Variants in PCDHA7 observed in about 807,000 individuals in gnomAD.
PCDHA7 encodes the protein protocadherin alpha-7.
Under a neutral mutation model 57.2 loss-of-function variants are expected in PCDHA7, and 37 were observed. The ratio of observed to expected loss-of-function variants is 0.65; its 90% CI spans 0.50 to 0.85. The LOEUF is 0.85. Among genes scored for constraint, PCDHA7 ranks in the 40% least tolerant of loss-of-function variants. PCDHA7 has a pLI of 0.00. For missense variants in PCDHA7, 1,188 were observed against 1,241.8 expected (o/e 0.96, Z 0.65); for synonymous variants, 553 against 558.8 (o/e 0.99, Z 0.15).
intron 1 of PCDHA7, among the ~76,000 whole-genome samples, chr5:140,960,353 A>T (rs1197291282): frequency 6.6e-6 from 1 of 152,214 alleles, no homozygotes; most frequent in African/African-American, 2.4e-5. Context: ...ATATGTACTG[A>T]AATAATATGC....
chr5:140,871,269 G>T, intron 1 of PCDHA7: 3 of 1,613,952 alleles, frequency 1.9e-6, no homozygotes, highest in Non-Finnish European at 2.5e-6. Context: ...CGCTGTGGTG[G>T]TCGGCAACGC....
intron 1 of PCDHA7, chr5:140,843,825 CATT>C: frequency 1.7e-6 from 2 of 1,188,044 alleles, no homozygotes; most frequent in East Asian, 2.4e-5. Context: ...AAAATTTAAA[CATT>C]GTTTAGTTTT....
Position 140,849,019 on chromosome 5 carries a change from A to G in PCDHA7, c.2355+12281A>G, listed in dbSNP as rs144148683. On this transcript the variant is annotated intron_variant, in intron 1 of 3. Coordinates refer to ENST00000525929, the MANE Select transcript of PCDHA7 (RefSeq NM_018910.3). ...CTGCTCACTTACAGACTGAGCCCCA[A>G]TGAGTATTTCTTCCTGGACGTGCCA... 14,073 of 1,587,530 alleles carry G rather than the reference A, an allele frequency of 8.9e-3. 240 individuals carry two copies. Among genetic ancestry groups the G allele is most frequent in the Non-Finnish European group, 0.011 (13,037 of 1,163,614 alleles).
At chr5:140,935,047 A>G (rs782161261) in intron 1 of PCDHA7, among the ~76,000 whole-genome samples, 11 of 152,140 alleles carry the variant, frequency 7.2e-5, no homozygotes, top group Admixed American at 3.3e-4. Flanking sequence ...GATTTCTGGT[A>G]TTACAAGATG....
intron 1 of PCDHA7, chr5:140,863,011 C>A (rs782711409): frequency 1.8e-6 from 1 of 552,250 alleles, no homozygotes. Flanking sequence ...CCAGCTATGA[C>A]GCCTGGTTGT....
intron 1 of PCDHA7, among the ~76,000 whole-genome samples, chr5:140,897,922 C>T (rs1476419563): frequency 3.3e-5 from 5 of 152,164 alleles, no homozygotes; most frequent in Non-Finnish European, 5.9e-5. Context: ...TTTTGATTTG[C>T]GTTTCTCTGA....
rs782249131 is a variant in PCDHA7, at chr5:140,835,661, C to T, written c.1278C>T (p.Thr426=). ...ESVSAYELVV[T]ARDGGSPSLW... ...TGTCCGCCTATGAGCTGGTGGTTAC[C>T]GCGCGGGACGGGGGCTCGCCTTCTC... Residue 426 remains threonine, a synonymous_variant, in exon 1 of 4, where the codon ACC becomes ACT. Coordinates refer to ENST00000525929, the MANE Select transcript of PCDHA7 (RefSeq NM_018910.3). The T allele has an allele frequency of 6.2e-7, 1 of 1,613,886 alleles. No individual in the cohort carries two copies. Among genetic ancestry groups the T allele is most frequent in the Non-Finnish European group, 8.5e-7 (1 of 1,179,874 alleles).
At chr5:140,882,327 T>C in intron 1 of PCDHA7, 1 of 1,614,172 alleles carries the variant, frequency 6.2e-7, no homozygotes, top group Non-Finnish European at 8.5e-7. Flanking sequence ...TGGCTTCTGA[T>C]CCTCGCAGCC....
In PCDHA7 at chr5:140,869,686, A is replaced by T. The variant is rs782130952; in HGVS notation, c.2355+32948A>T. ...TAAGCAGATTAAAAGACTGTCACTT[A>T]TTTTAAAGAAGTCTCTGGATAGAGA... On this transcript the variant is annotated intron_variant, in intron 1 of 3. Transcript: ENST00000525929. The T allele has an allele frequency of 5.6e-6, 9 of 1,613,330 alleles. No homozygotes were observed. In the African/African-American group the frequency reaches 1.2e-4, roughly 22 times the overall value.
intron 1 of PCDHA7, chr5:140,968,545 G>C: frequency 6.2e-7 from 1 of 1,614,182 alleles, no homozygotes; most frequent in Non-Finnish European, 8.5e-7. Flanking sequence ...CCTTCGAGAT[G>C]GTGCCTCGAA....
intron 1 of PCDHA7, chr5:140,870,192 G>C: frequency 1.9e-6 from 3 of 1,614,158 alleles, no homozygotes; most frequent in Non-Finnish European, 2.5e-6. Context: ...AGGACGCTCA[G>C]CCCAGCACGG....
rs782590821 is a variant in PCDHA7 at position 140,929,251 on chromosome 5, G to T, written c.2356-49698G>T. On this transcript the variant is annotated intron_variant, in intron 1 of 3. Transcript: ENST00000525929. ...CGACCTGCGAAATCTTGCCACTGGG[G>T]TAGGACTGAATTTGCCAATATCCTG... The T allele has an allele frequency of 3.1e-6, 5 of 1,613,416 alleles. No homozygotes were observed. Among genetic ancestry groups the T allele is most frequent in the African/African-American group, 1.3e-5 (1 of 74,908 alleles).
chr5:140,908,430 C>T (rs543426512), intron 1 of PCDHA7, among the ~76,000 whole-genome samples: 56 of 152,262 alleles, frequency 3.7e-4, no homozygotes, highest in Admixed American at 7.2e-4. Flanking sequence ...TGCTGCTGTG[C>T]GCACCCCACT....
Position 141,010,042 on chromosome 5 carries a change from TAGAGACCTCAG to T in PCDHA7, c.*107_*117del. ...TTTTTCCTATCTACATGAGCCCTCTTAGAGACCTCAGAAATCTGCAGAAAGTTCCCTGTGTC... is the reference window on the plus strand; with the variant it reads ...TTTTTCCTATCTACATGAGCCCTCTTAAATCTGCAGAAAGTTCCCTGTGTC... On this transcript the variant is annotated 3_prime_UTR_variant, in exon 4 of 4. Transcript: ENST00000525929. 6.3e-7 allele frequency: 1 copy of T among 1,594,374 alleles called. No individual in the cohort carries two copies. The highest frequency in any genetic ancestry group is 1.2e-5 in the South Asian group (1 of 86,942).
chr5:140,967,645 G>A lies in PCDHA7; in HGVS notation c.2356-11304G>A, dbSNP rs782043521. ...ATGAGGGCTCCAATGGTGAGCTCAG[G>A]TACTCCTTGAGCAGCTACACGTCGG... On this transcript the variant is annotated intron_variant, in intron 1 of 3. Transcript: ENST00000525929. 1.9e-5 allele frequency: 30 copies of A among 1,614,144 alleles called. 1 individual carries two copies. In the South Asian group the frequency reaches 3.2e-4, roughly 17 times the overall value.
At chr5:140,932,707 A>G (rs147056775) in intron 1 of PCDHA7, among the ~76,000 whole-genome samples, 1 of 152,086 alleles carries the variant, frequency 6.6e-6, no homozygotes, top group African/African-American at 2.4e-5. Flanking sequence ...CATATAGACA[A>G]CACAATAATA....
At position 140,842,972 on chromosome 5, in the gene PCDHA7, C is replaced by G; in HGVS notation, c.2355+6234C>G. 1.9e-6 allele frequency: 3 copies of G among 1,595,038 alleles called. 1 individual carries two copies. The highest frequency in any genetic ancestry group is 2.6e-6 in the Non-Finnish European group (3 of 1,165,520). On this transcript the variant is annotated intron_variant, in intron 1 of 3. Transcript: ENST00000525929. The stretch of plus-strand genomic sequence containing the variant: ...GCCGCCTCTGGGCAGCAACGTGACG[C>G]TGCAGGTGTTCGTGCTGGACGAGAA...
At chr5:140,889,257 A>G (rs946372435) in intron 1 of PCDHA7, among the ~76,000 whole-genome samples, 1 of 151,854 alleles carries the variant, frequency 6.6e-6, no homozygotes, top group Non-Finnish European at 1.5e-5. Flanking sequence ...TTTCCTGTAA[A>G]AGTTTGTATA....
intron 1 of PCDHA7, among the ~76,000 whole-genome samples, chr5:140,975,016 G>C (rs782435284): frequency 6.6e-6 from 1 of 152,128 alleles, no homozygotes; most frequent in Non-Finnish European, 1.5e-5. Context: ...AACACAGCTG[G>C]GCTGTGTTGT....
Sources: allele counts gnomAD v4.1 joint callset (sites outside exome capture counted in the v4.1 genomes callset), GRCh38; gene constraint gnomAD v4.1.1; transcripts MANE v1.5; gene names NCBI Gene and HGNC (gene_info 2026-07-23, HGNC 2026-07-21).